Variants in RSRC1 observed in about 807,000 individuals in gnomAD.
RSRC1 encodes serine/Arginine-related protein 53.
Under a neutral mutation model 49.1 loss-of-function variants are expected in RSRC1, and 39 were observed. That is an observed-to-expected ratio of 0.79 (90% CI 0.61 to 1.04). The LOEUF (loss-of-function observed/expected upper bound fraction) is 1.04. RSRC1 is among the 50% of genes least tolerant of loss of function. The pLI is 0.00. For synonymous variants in RSRC1, 143 were observed against 130.8 expected (o/e 1.09, Z -0.63); for missense variants, 388 against 402.4 (o/e 0.96, Z 0.31).
intron 7 of RSRC1, among the ~76,000 whole-genome samples, chr3:158,479,153 A>AT (rs1308826021): frequency 6.6e-6 from 1 of 150,900 alleles, no homozygotes; most frequent in African/African-American, 2.4e-5. Context: ...GGACACAGTG[A>AT]TCAGAATATC....
At chr3:158,212,968 A>G (rs1040809472) in intron 4 of RSRC1, among the ~76,000 whole-genome samples, 1 of 151,962 alleles carries the variant, frequency 6.6e-6, no homozygotes, top group African/African-American at 2.4e-5. Context: ...TCCCCAGTCT[A>G]GTGATCATTG....
chr3:158,523,539 G>A (rs1190052439), intron 7 of RSRC1, among the ~76,000 whole-genome samples: 1 of 152,156 alleles, frequency 6.6e-6, no homozygotes, highest in Middle Eastern at 3.4e-3. Context: ...AGACACTTTT[G>A]TAAGCAATGA....
intron 4 of RSRC1, among the ~76,000 whole-genome samples, chr3:158,277,366 A>G (rs998432037): frequency 1.3e-5 from 2 of 152,216 alleles, no homozygotes; most frequent in Non-Finnish European, 1.5e-5. Flanking sequence ...ATTGCAATCT[A>G]TGATCATATT....
intron 4 of RSRC1, among the ~76,000 whole-genome samples, chr3:158,268,929 T>C (rs1725354746): frequency 6.6e-6 from 1 of 152,214 alleles, no homozygotes. Context: ...ATTGAAAATA[T>C]ATTATTTGAG....
chr3:158,528,834 A>G (rs967370125), intron 7 of RSRC1, among the ~76,000 whole-genome samples: 2 of 151,938 alleles, frequency 1.3e-5, no homozygotes, highest in African/African-American at 4.8e-5. Context: ...TTGACTATCA[A>G]TGTTGATTAC....
intron 5 of RSRC1, among the ~76,000 whole-genome samples, chr3:158,327,303 A>G (rs1334649641): frequency 6.6e-6 from 1 of 151,984 alleles, no homozygotes; most frequent in Non-Finnish European, 1.5e-5. Flanking sequence ...TTGCTTCTCT[A>G]GTTCTTTTAA....
At chr3:158,371,205 T>C (rs1382681416) in intron 6 of RSRC1, among the ~76,000 whole-genome samples, 2 of 151,898 alleles carry the variant, frequency 1.3e-5, no homozygotes, top group Non-Finnish European at 2.9e-5. Context: ...TTTCTCCCAG[T>C]CCTTGTCTTG....
At chr3:158,247,746 A>G (rs1207991135) in intron 4 of RSRC1, among the ~76,000 whole-genome samples, 1 of 152,162 alleles carries the variant, frequency 6.6e-6, no homozygotes, top group Non-Finnish European at 1.5e-5. Flanking sequence ...AAAAACAAAG[A>G]TGGCAGCCTG....
At chr3:158,139,418 T>A (rs185087331) in intron 3 of RSRC1, among the ~76,000 whole-genome samples, 2,093 of 151,630 alleles carry the variant, frequency 0.014, 12 homozygotes, top group African/African-American at 0.028. Flanking sequence ...AAAAAAAAAA[T>A]TTTATTTTAA....
chr3:158,408,644 T>C (rs921971408), intron 6 of RSRC1, among the ~76,000 whole-genome samples: 6 of 152,194 alleles, frequency 3.9e-5, no homozygotes, highest in African/African-American at 1.2e-4. Context: ...GGAAAAAATA[T>C]GTCCTATGCA....
chr3:158,401,151 G>A (rs1375097273), intron 6 of RSRC1, among the ~76,000 whole-genome samples: 5 of 151,900 alleles, frequency 3.3e-5, no homozygotes, highest in African/African-American at 9.7e-5. Flanking sequence ...ATTTGTGGAC[G>A]TACACCCTAT....
At chr3:158,304,544 T>C (rs1727737569) in intron 5 of RSRC1, among the ~76,000 whole-genome samples, 1 of 152,172 alleles carries the variant, frequency 6.6e-6, no homozygotes, top group Non-Finnish European at 1.5e-5. Flanking sequence ...TCTGAAAATA[T>C]GTTTTTGACA....
chr3:158,269,854 T>G (rs534084310), intron 4 of RSRC1, among the ~76,000 whole-genome samples: 43 of 152,310 alleles, frequency 2.8e-4, no homozygotes, highest in African/African-American at 1.0e-3. Context: ...CTTATTTTTT[T>G]TCTTTTGATA....
At chr3:158,422,898 C>T (rs1735162700) in intron 6 of RSRC1, among the ~76,000 whole-genome samples, 2 of 151,838 alleles carry the variant, frequency 1.3e-5, no homozygotes, top group Admixed American at 1.3e-4. Flanking sequence ...CTGTTCATGT[C>T]CTTCGCCCAC....
chr3:158,485,777 AATTAG>A (rs1738792994), intron 7 of RSRC1, among the ~76,000 whole-genome samples: 1 of 152,134 alleles, frequency 6.6e-6, no homozygotes, highest in African/African-American at 2.4e-5. Flanking sequence ...GACTTCAATA[AATTAG>A]ATAACTGTGA....
intron 5 of RSRC1, among the ~76,000 whole-genome samples, chr3:158,343,216 A>G (rs566200519): frequency 6.6e-6 from 1 of 152,358 alleles, no homozygotes; most frequent in Non-Finnish European, 1.5e-5. Context: ...TATAAAAACC[A>G]TCTTCCCTTA....
chr3:158,454,880 A>G (rs1737231797), intron 6 of RSRC1, among the ~76,000 whole-genome samples: 1 of 152,122 alleles, frequency 6.6e-6, no homozygotes, highest in Non-Finnish European at 1.5e-5. Context: ...TGGTACTGAC[A>G]TACTGGTAGG....
chr3:158,301,830 C>T (rs1727563440), intron 5 of RSRC1, among the ~76,000 whole-genome samples: 1 of 152,054 alleles, frequency 6.6e-6, no homozygotes, highest in Non-Finnish European at 1.5e-5. Context: ...ATGATGTTAA[C>T]ATACTTCCAG....
chr3:158,490,180 G>T (rs556099460), intron 7 of RSRC1, among the ~76,000 whole-genome samples: 3 of 152,278 alleles, frequency 2.0e-5, no homozygotes, highest in South Asian at 4.1e-4. Flanking sequence ...CTCCTCCAGG[G>T]TTCACACCAT....
Sources: allele counts gnomAD v4.1 joint callset (sites outside exome capture counted in the v4.1 genomes callset), GRCh38; gene constraint gnomAD v4.1.1; transcripts MANE v1.5; gene names NCBI Gene and HGNC (gene_info 2026-07-23, HGNC 2026-07-21).